The following COL18A1 variants were observed in gnomAD, a reference collection of about 807,000 sequenced individuals.
COL18A1 encodes collagen type XVIII alpha 1 chain, also known as collagen alpha-1(XVIII) chain.
A neutral mutation model predicts 168.0 loss-of-function variants in COL18A1; 133 were observed. That is an observed-to-expected ratio of 0.79 (90% CI 0.69 to 0.91). COL18A1 has a LOEUF of 0.91. Among genes scored for constraint, COL18A1 ranks in the 40% least tolerant of loss-of-function variants. COL18A1 has a pLI of 0.00. For missense variants in COL18A1, 2,126 were observed against 1,925.4 expected (o/e 1.10, Z -1.95); for synonymous variants, 949 against 809.0 (o/e 1.17, Z -2.94).
intron 2 of COL18A1, among the ~76,000 whole-genome samples, chr21:45,418,223 C>T (rs537395941): frequency 3.9e-4 from 60 of 152,328 alleles, no homozygotes; most frequent in African/African-American, 1.4e-3. Flanking sequence ...CGGAGCTGGC[C>T]GGGTGCTCAT....
intron 2 of COL18A1, among the ~76,000 whole-genome samples, chr21:45,444,848 A>G (rs1956017397): frequency 6.6e-6 from 1 of 152,212 alleles, no homozygotes; most frequent in Non-Finnish European, 1.5e-5. Context: ...TTATAAGAGA[A>G]AAACTTTCAT....
intron 15 of COL18A1, among the ~76,000 whole-genome samples, chr21:45,484,330 T>C (rs1328048317): frequency 1.6e-5 from 2 of 126,368 alleles, no homozygotes; most frequent in African/African-American, 6.7e-5. Flanking sequence ...TGCACACACA[T>C]GCACACACAC....
chr21:45,473,992 T>G lies in COL18A1; in HGVS notation c.738+11T>G. The G allele has an allele frequency of 6.3e-7, 1 of 1,578,634 alleles. No individual in the cohort carries two copies. The highest frequency in any genetic ancestry group is 8.6e-7 in the Non-Finnish European group (1 of 1,161,844). ...GATGACTCAGATGGGGTGAGTGACA[T>G]CTGGGGCACGGGTGGGGTCTCCCCT... On this transcript the variant is annotated intron_variant, in intron 4 of 41. Transcript: ENST00000651438. This position sits in a 1 kb window ranked among gnomAD's most constrained non-coding sequence, Gnocchi z 4.0.
At position 45,498,931 on chromosome 21, in the gene COL18A1, G is replaced by A. The variant is rs1352822958; in HGVS notation, c.2683+1270G>A. 6.6e-6 allele frequency among the ~76,000 whole-genome samples: 1 copy of A among 152,216 alleles called. No homozygotes were observed. The highest frequency in any genetic ancestry group is 1.5e-5 in the Non-Finnish European group (1 of 68,038). ...GGAACAGTTGGAGATTGAGACCTGT[G>A]TATAGGTTTTGGTCGACGTGGGATT... is the stretch of plus-strand genomic sequence containing the variant. On this transcript the variant is annotated intron_variant, in intron 32 of 41. Transcript: ENST00000651438. This position sits in a 1 kb window ranked among gnomAD's most constrained non-coding sequence, Gnocchi z 4.5.
Position 45,478,314 on chromosome 21 carries a change from C to G in COL18A1, c.1222-13C>G. On this transcript the variant is annotated splice_polypyrimidine_tract_variant and intron_variant, in intron 8 of 41. Coordinates refer to ENST00000651438, the MANE Select transcript of COL18A1 (RefSeq NM_001379500.1). ...TCATTTCCCATCACTAATGGCTTCT[C>G]TTGCACACCCAGGGCGACCCCGGTG... 6.2e-7 allele frequency: 1 copy of G among 1,613,902 alleles called. No individual in the cohort carries two copies. Among genetic ancestry groups the G allele is most frequent in the South Asian group, 1.1e-5 (1 of 91,068 alleles).
In COL18A1 at chr21:45,468,261, G is replaced by A. The variant is rs115800039; in HGVS notation, c.126G>A (p.Val42=). 3,019 of 1,613,060 alleles carry A rather than the reference G, an allele frequency of 1.9e-3. 59 individuals carry two copies. The African/African-American group carries it at 0.036, about 19-fold the overall frequency. Residue 42 remains valine (V), a synonymous_variant, in exon 3 of 42, where the codon GTG becomes GTA. Transcript: ENST00000651438. ...TTGCAGAGCGCATCAGCGAGGAGGT[G>A]GGGCTGCTGCAGCTCCTTGGGGACC... is the stretch of plus-strand genomic sequence containing the variant. ...SAEPERISEE[V]GLLQLLGDPP... is the part of the protein sequence containing the mutation.
At chr21:45,507,689 A>G in intron 38 of COL18A1, 96 bp downstream of exon 38, 2 of 1,190,358 alleles carry the variant, frequency 1.7e-6, no homozygotes. Flanking sequence ...GGTCCTTTGG[A>G]GTCCTGGAGC....
intron 2 of COL18A1, among the ~76,000 whole-genome samples, chr21:45,431,473 C>T (rs1284146520): frequency 2.2e-5 from 2 of 92,220 alleles, no homozygotes; most frequent in South Asian, 3.8e-4. Flanking sequence ...CAGGCAGGAC[C>T]CGGCGGCCCA....
chr21:45,453,327 TG>T (rs1238907658), intron 2 of COL18A1, among the ~76,000 whole-genome samples: 3 of 152,168 alleles, frequency 2.0e-5, no homozygotes, highest in Admixed American at 1.3e-4. Flanking sequence ...GTGACATATA[TG>T]GCATAGCTAA....
At chr21:45,420,243 C>T (rs1324018425) in intron 2 of COL18A1, 1 of 152,234 alleles carries the variant, frequency 6.6e-6, no homozygotes, top group Non-Finnish European at 1.5e-5. Flanking sequence ...CAGCCCTCGA[C>T]ACCTGCTGGA....
rs1199749926 is a variant in COL18A1, at chr21:45,498,336, C to G, written c.2683+675C>G. 1 of 653,704 alleles carries G rather than the reference C, an allele frequency of 1.5e-6. No homozygotes were observed. The highest frequency in any genetic ancestry group is 2.8e-5 in the East Asian group (1 of 36,290). The allele number at this position is 653,704 out of a possible 1,614,324, so 40.5% of individuals were successfully genotyped here. On this transcript the variant is annotated intron_variant, in intron 32 of 41. Coordinates refer to ENST00000651438, the MANE Select transcript of COL18A1 (RefSeq NM_001379500.1). The surrounding 1 kb of genome is among the most constrained non-coding windows in gnomAD (Gnocchi z 4.5). ...CACGGTCCCCTCTCGCCGCCAGGGT[C>G]CCCTCTCACCGCCAGGGTTCCCTCT...
intron 2 of COL18A1, among the ~76,000 whole-genome samples, chr21:45,447,634 G>A (rs925755895): frequency 6.6e-6 from 1 of 152,152 alleles, no homozygotes; most frequent in South Asian, 2.1e-4. Context: ...AATTGTCAAA[G>A]TGACCCCAAT....
intron 18 of COL18A1, 70 bp from the exon 19 acceptor site, chr21:45,489,416 C>A: frequency 1.7e-6 from 2 of 1,182,270 alleles, no homozygotes; most frequent in Non-Finnish European, 2.5e-6. Flanking sequence ...TTCCCTTCAC[C>A]CGGGGTGGAC....
rs190952843 is a variant in COL18A1 at position 45,498,328 on chromosome 21, G to A, written c.2683+667G>A. On this transcript the variant is annotated intron_variant, in intron 32 of 41. Coordinates refer to ENST00000651438, the MANE Select transcript of COL18A1 (RefSeq NM_001379500.1). This position sits in a 1 kb window ranked among gnomAD's most constrained non-coding sequence, Gnocchi z 4.5. ...CTCGCCGCCACGGTCCCCTCTCGCC[G>A]CCAGGGTCCCCTCTCACCGCCAGGG... 1.1e-3 allele frequency: 727 copies of A among 655,050 alleles called. 3 individuals are homozygous for A. In the African/African-American group the frequency reaches 0.011, roughly 10 times the overall value. 40.6% of individuals were successfully genotyped at this position (655,050 alleles called of 1,614,324 possible).
intron 8 of COL18A1, 28 bp from the exon 9 acceptor site, chr21:45,478,299 T>C: frequency 6.2e-7 from 1 of 1,613,806 alleles, no homozygotes; most frequent in Non-Finnish European, 8.5e-7. Flanking sequence ...TCATTTCCCA[T>C]CACTAATGGC....
Position 45,463,009 on chromosome 21 carries a change from C to T in COL18A1, c.107-5233C>T, listed in dbSNP as rs2035093980. 6.6e-6 allele frequency among the ~76,000 whole-genome samples: 1 copy of T among 152,190 alleles called. No individual in the cohort carries two copies. The highest frequency in any genetic ancestry group is 2.1e-4 in the South Asian group (1 of 4,832). On this transcript the variant is annotated intron_variant, in intron 2 of 41. Coordinates refer to ENST00000651438, the MANE Select transcript of COL18A1 (RefSeq NM_001379500.1). The surrounding 1 kb of genome is among the most constrained non-coding windows in gnomAD (Gnocchi z 4.0). ...TGTCCCTTTCCCTGGGTGTGTGCAG[C>T]CACTTTCTAATTTTCCTCTTACATG...
intron 2 of COL18A1, among the ~76,000 whole-genome samples, chr21:45,441,926 C>CG (rs2034379999): frequency 1.3e-5 from 2 of 152,244 alleles, no homozygotes; most frequent in Admixed American, 6.5e-5. Flanking sequence ...CATGGGGTCT[C>CG]GGGGTCTCCC....
intron 39 of COL18A1, 119 bp downstream of exon 39, chr21:45,509,720 C>A (rs1175047057): frequency 3.2e-5 from 24 of 741,088 alleles, no homozygotes; most frequent in South Asian, 5.9e-5. Flanking sequence ...GGGTGGGGGT[C>A]TGGCGGCTCA....
At chr21:45,466,553 G>A (rs1282167215) in intron 2 of COL18A1, among the ~76,000 whole-genome samples, 1 of 152,232 alleles carries the variant, frequency 6.6e-6, no homozygotes, top group Non-Finnish European at 1.5e-5. Context: ...CAGGACATCT[G>A]AGACAGCTGG....
Sources: allele counts gnomAD v4.1 joint callset (sites outside exome capture counted in the v4.1 genomes callset), GRCh38; gene constraint gnomAD v4.1.1; non-coding constraint Gnocchi (gnomAD v3.1); transcripts MANE v1.5; gene names NCBI Gene and HGNC (gene_info 2026-07-23, HGNC 2026-07-21).